PDE7B: variants seen among roughly 807,000 people sequenced by gnomAD.
PDE7B encodes 3',5'-cyclic-AMP phosphodiesterase 7B.
PDE7B carries 29 observed loss-of-function variants against 56.2 expected under a neutral mutation model. The observed-to-expected ratio is 0.52, with a 90% CI of 0.38 to 0.70. The LOEUF is 0.70. PDE7B is among the 30% of genes least tolerant of loss of function. PDE7B has a pLI of 0.00. For synonymous variants in PDE7B, 197 were observed against 196.9 expected, an observed-to-expected ratio of 1.00 and a Z score of 0.00; for missense variants, 490 against 565.0, an observed-to-expected ratio of 0.87 and a Z score of 1.35.
intron 2 of PDE7B, among the ~76,000 whole-genome samples, chr6:136,007,939 C>T (rs1229692599): frequency 6.6e-6 from 1 of 151,770 alleles, no homozygotes; most frequent in African/African-American, 2.4e-5. Flanking sequence ...CCCAGTAACT[C>T]GTCATTTAAC....
chr6:136,016,771 A>T (rs192633942), intron 2 of PDE7B, among the ~76,000 whole-genome samples: 68 of 152,350 alleles, frequency 4.5e-4, no homozygotes, highest in East Asian at 2.9e-3. Context: ...GGAGAAAAAA[A>T]AAATGGCTGT....
At chr6:136,106,483 C>T (rs1324942811) in intron 2 of PDE7B, among the ~76,000 whole-genome samples, 1 of 152,138 alleles carries the variant, frequency 6.6e-6, no homozygotes, top group East Asian at 1.9e-4. Context: ...AAGTGCTACC[C>T]CACTGACTAT....
intron 2 of PDE7B, among the ~76,000 whole-genome samples, chr6:136,054,910 T>A (rs1207006694): frequency 6.6e-6 from 1 of 152,186 alleles, no homozygotes; most frequent in Non-Finnish European, 1.5e-5. Flanking sequence ...CCCATGATAC[T>A]TATTCACTAT....
chr6:135,889,128 T>G (rs1775761605), intron 1 of PDE7B, among the ~76,000 whole-genome samples: 1 of 152,130 alleles, frequency 6.6e-6, no homozygotes, highest in Non-Finnish European at 1.5e-5. Context: ...GAGGACATCT[T>G]TAAATTCTCT....
At chr6:135,903,310 T>C (rs1269388644) in intron 1 of PDE7B, among the ~76,000 whole-genome samples, 1 of 152,128 alleles carries the variant, frequency 6.6e-6, no homozygotes, top group African/African-American at 2.4e-5. Flanking sequence ...TGTAAGGAGG[T>C]TATCACTTGC....
chr6:136,022,937 G>T (rs1414189437), intron 2 of PDE7B, among the ~76,000 whole-genome samples: 1 of 151,902 alleles, frequency 6.6e-6, no homozygotes, highest in African/African-American at 2.4e-5. Context: ...AAGTCTTCGA[G>T]ATTAGAGATG....
At chr6:136,029,297 A>G (rs1174088400) in intron 2 of PDE7B, among the ~76,000 whole-genome samples, 4 of 151,680 alleles carry the variant, frequency 2.6e-5, no homozygotes, top group African/African-American at 7.3e-5. Context: ...TGAAAGCAGG[A>G]AAAAAAAAGT....
At chr6:136,140,084 T>C (rs1778292560) in intron 3 of PDE7B, among the ~76,000 whole-genome samples, 1 of 152,204 alleles carries the variant, frequency 6.6e-6, no homozygotes. Flanking sequence ...GGTTTTCTTC[T>C]AGGGTTTTTA....
At chr6:135,966,490 G>A (rs910843441) in intron 2 of PDE7B, among the ~76,000 whole-genome samples, 1 of 152,114 alleles carries the variant, frequency 6.6e-6, no homozygotes, top group Non-Finnish European at 1.5e-5. Flanking sequence ...GACAGAGCAG[G>A]GACTCTGCAT....
At chr6:136,160,637 T>G (rs369361900) in intron 8 of PDE7B, among the ~76,000 whole-genome samples, 47 of 152,270 alleles carry the variant, frequency 3.1e-4, no homozygotes, top group South Asian at 2.3e-3. Context: ...GAAACTCAAA[T>G]CTGACCACAT....
chr6:135,977,074 G>T (rs11967535), intron 2 of PDE7B, among the ~76,000 whole-genome samples: 1 of 152,034 alleles, frequency 6.6e-6, no homozygotes, highest in African/African-American at 2.4e-5. Context: ...GAGGGAGGAA[G>T]TGAGATGAGA....
chr6:136,007,181 C>T (rs1156394400), intron 2 of PDE7B, among the ~76,000 whole-genome samples: 1 of 152,084 alleles, frequency 6.6e-6, no homozygotes, highest in East Asian at 1.9e-4. Flanking sequence ...TGGCTTTTGT[C>T]TTTACTTCTG....
At chr6:136,066,506 G>C (rs774214593) in intron 2 of PDE7B, among the ~76,000 whole-genome samples, 7 of 152,150 alleles carry the variant, frequency 4.6e-5, no homozygotes, top group Non-Finnish European at 1.0e-4. Context: ...TTGGATCTTT[G>C]AATAAGTTAA....
At chr6:135,859,452 TTTAAG>T (rs1775103440) in intron 1 of PDE7B, among the ~76,000 whole-genome samples, 1 of 152,076 alleles carries the variant, frequency 6.6e-6, no homozygotes, top group Non-Finnish European at 1.5e-5. Flanking sequence ...AAAAATAATC[TTTAAG>T]TTAAAATAAT....
At chr6:136,188,084 G>A (rs913317414) in intron 12 of PDE7B, among the ~76,000 whole-genome samples, 4 of 152,094 alleles carry the variant, frequency 2.6e-5, no homozygotes, top group Admixed American at 1.3e-4. Flanking sequence ...AACATAAGCT[G>A]AAAATTAAGA....
chr6:136,045,349 AT>A (rs1776484380), intron 2 of PDE7B, among the ~76,000 whole-genome samples: 1 of 152,190 alleles, frequency 6.6e-6, no homozygotes, highest in South Asian at 2.1e-4. Flanking sequence ...ACCCCAAGAA[AT>A]GAGTTTTGTA....
At chr6:135,928,475 A>T (rs1228723229) in intron 1 of PDE7B, among the ~76,000 whole-genome samples, 17 of 106,178 alleles carry the variant, frequency 1.6e-4, no homozygotes, top group African/African-American at 5.6e-4. Context: ...TTATTTATAT[A>T]TATATATTTA....
intron 2 of PDE7B, among the ~76,000 whole-genome samples, chr6:136,033,351 C>A (rs887602248): frequency 6.6e-6 from 1 of 152,140 alleles, no homozygotes; most frequent in Non-Finnish European, 1.5e-5. Flanking sequence ...TAGCTGAAAT[C>A]CTAGTTTCTC....
Position 135,964,632 on chromosome 6 carries a change from G to A in PDE7B, c.82+17108G>A, listed in dbSNP as rs1000655446. On this transcript the variant is annotated intron_variant, in intron 2 of 12. Transcript: ENST00000308191. The stretch of plus-strand genomic sequence containing the variant: ...ACTCTGAGCCTGGATAATCTAGAGC[G>A]TATATAATATTCTATAGCTATATGA... Among the ~76,000 whole-genome samples, 8 of 152,080 alleles carry A rather than the reference G, an allele frequency of 5.3e-5. No homozygotes were observed. The East Asian group carries it at 5.8e-4, about 11-fold the overall frequency.
Sources: allele counts gnomAD v4.1 joint callset (sites outside exome capture counted in the v4.1 genomes callset), GRCh38; gene constraint gnomAD v4.1.1; transcripts MANE v1.5; gene names NCBI Gene and HGNC (gene_info 2026-07-23, HGNC 2026-07-21).